STK39: variants seen among roughly 807,000 people sequenced by gnomAD.
STK39 encodes the protein STE20/SPS1-related proline-alanine-rich protein kinase.
Under a neutral mutation model 77.8 loss-of-function variants are expected in STK39, and 20 were observed. The ratio of observed to expected loss-of-function variants is 0.26; its 90% CI spans 0.18 to 0.37. The LOEUF (loss-of-function observed/expected upper bound fraction) is 0.37. Ranked by LOEUF, STK39 falls within the 10% of genes least tolerant of loss-of-function variation. The pLI is 1.00. For synonymous variants in STK39, 246 were observed against 234.1 expected (o/e 1.05, Z -0.47); for missense variants, 479 against 656.5 (o/e 0.73, Z 2.95).
At chr2:168,030,613 A>G (rs1034516118) in intron 14 of STK39, among the ~76,000 whole-genome samples, 2 of 152,194 alleles carry the variant, frequency 1.3e-5, no homozygotes. Context: ...CCAGGGTAGA[A>G]ATGTAAGCAG....
intron 14 of STK39, among the ~76,000 whole-genome samples, chr2:168,041,074 GCTTA>G (rs1454062860): frequency 6.6e-6 from 1 of 152,152 alleles, no homozygotes; most frequent in African/African-American, 2.4e-5. Flanking sequence ...CCCACTTGGA[GCTTA>G]CCGTCTAGGG....
chr2:168,051,993 T>C (rs905243824), intron 14 of STK39, among the ~76,000 whole-genome samples: 2 of 131,484 alleles, frequency 1.5e-5, no homozygotes, highest in Non-Finnish European at 3.2e-5. Flanking sequence ...TGAGGAAGAC[T>C]TTTTTTTTTT....
intron 14 of STK39, among the ~76,000 whole-genome samples, chr2:168,059,976 T>G (rs1685620397): frequency 1.3e-5 from 2 of 152,206 alleles, no homozygotes. Context: ...AACAATGCCA[T>G]GTACATAGTA....
At chr2:168,174,838 A>G (rs1688916319) in intron 2 of STK39, among the ~76,000 whole-genome samples, 1 of 151,354 alleles carries the variant, frequency 6.6e-6, no homozygotes, top group Admixed American at 6.6e-5. Context: ...CTCTTAAAAA[A>G]AAAAAAAAAA....
chr2:168,080,496 G>T (rs1686200428), intron 10 of STK39, among the ~76,000 whole-genome samples: 1 of 152,076 alleles, frequency 6.6e-6, no homozygotes, highest in African/African-American at 2.4e-5. Flanking sequence ...CGGGCGTGGT[G>T]GCAGGTGCCT....
At position 167,955,274 on chromosome 2, in the gene STK39, A is replaced by G. The variant is rs199826815; in HGVS notation, c.*222T>C. The G allele has an allele frequency of 4.4e-6, 2 of 453,866 alleles. No individual in the cohort carries two copies. Among genetic ancestry groups the G allele is most frequent in the Non-Finnish European group, 8.0e-6 (2 of 251,188 alleles). The allele number at this position is 453,866 out of a possible 1,614,324, so 28.1% of individuals were successfully genotyped here. ...AGCTGTGGCATTTGCTTGTTCTTGTACTGTGGATTGCTAGAGAATAAAGCA... is the reference window on the plus strand; with the variant it reads ...AGCTGTGGCATTTGCTTGTTCTTGTGCTGTGGATTGCTAGAGAATAAAGCA... On this transcript the variant is annotated 3_prime_UTR_variant, in exon 18 of 18. Transcript: ENST00000355999.
intron 10 of STK39, among the ~76,000 whole-genome samples, chr2:168,078,458 C>G (rs1036679567): frequency 3.3e-5 from 5 of 152,128 alleles, no homozygotes; most frequent in African/African-American, 1.2e-4. Flanking sequence ...TCTGACCTGT[C>G]ACTCCAGTGC....
chr2:168,137,794 T>C (rs548161791), intron 8 of STK39, among the ~76,000 whole-genome samples: 1 of 152,302 alleles, frequency 6.6e-6, no homozygotes, highest in African/African-American at 2.4e-5. Flanking sequence ...CCAATTTCTT[T>C]TGATTTCTGT....
chr2:168,054,877 C>T (rs1408550165), intron 14 of STK39, among the ~76,000 whole-genome samples: 3 of 152,174 alleles, frequency 2.0e-5, no homozygotes, highest in Admixed American at 6.5e-5. Context: ...TTTCACCTTC[C>T]TCTAACTACC....
chr2:167,982,247 C>T lies in STK39; in HGVS notation c.1499-17521G>A, dbSNP rs145829426. Among the ~76,000 whole-genome samples the T allele has an allele frequency of 7.8e-4, 119 of 152,300 alleles. 1 individual carries two copies. The highest frequency in any genetic ancestry group is 2.6e-3 in the African/African-American group (110 of 41,582). On this transcript the variant is annotated intron_variant, in intron 16 of 17. Transcript: ENST00000355999. The stretch of plus-strand genomic sequence containing the variant: ...TCCTTTTAGTTTGCATTAAACCCCT[C>T]TGACACCAATGAGCTTTTAAAAAGT...
intron 16 of STK39, among the ~76,000 whole-genome samples, chr2:167,972,492 T>G (rs763114652): frequency 6.6e-6 from 1 of 152,126 alleles, no homozygotes; most frequent in Non-Finnish European, 1.5e-5. Context: ...CTTTTCACAA[T>G]GGCGGCCCGG....
intron 1 of STK39, among the ~76,000 whole-genome samples, chr2:168,193,485 A>C (rs1689391726): frequency 6.6e-6 from 1 of 152,218 alleles, no homozygotes; most frequent in Non-Finnish European, 1.5e-5. Flanking sequence ...GTGAGAAGGA[A>C]AATTAAGACA....
chr2:168,050,621 C>T lies in STK39; in HGVS notation c.1376+12879G>A, dbSNP rs75473729. 1.8e-3 allele frequency among the ~76,000 whole-genome samples: 279 copies of T among 152,086 alleles called. 5 individuals carry two copies. In the East Asian group the frequency reaches 0.027, roughly 15 times the overall value. On this transcript the variant is annotated intron_variant, in intron 14 of 17. Coordinates refer to ENST00000355999, the MANE Select transcript of STK39 (RefSeq NM_013233.3). ...TGGCTTTGCAGATGGCAGAAGGAGC[C>T]GAGGGATGCAGGCTACCTCTACAAG...
Position 168,025,612 on chromosome 2 carries a change from C to T in STK39, c.1377-8517G>A, listed in dbSNP as rs745874076. ...AGACATACAACAGCAGGAAAAAGGGCTGTAAAAGGTTGAGGGAGCTGCTAT... is the reference window on the plus strand; with the variant it reads ...AGACATACAACAGCAGGAAAAAGGGTTGTAAAAGGTTGAGGGAGCTGCTAT... On this transcript the variant is annotated intron_variant, in intron 14 of 17. Transcript: ENST00000355999. 2.6e-5 allele frequency among the ~76,000 whole-genome samples: 4 copies of T among 152,162 alleles called. No individual in the cohort carries two copies. In the East Asian group the frequency reaches 7.7e-4, roughly 29 times the overall value.
rs6433026 is a variant in STK39 at position 168,004,044 on chromosome 2, C to A, written c.1498+8590G>T. ...CTGTAGCAGAAAGAACAGAGCACTT[C>A]GCACATCTAACCATATGCTCATGAC... On this transcript the variant is annotated intron_variant, in intron 16 of 17. Coordinates refer to ENST00000355999, the MANE Select transcript of STK39 (RefSeq NM_013233.3). 2.4e-3 allele frequency among the ~76,000 whole-genome samples: 368 copies of A among 152,330 alleles called. 1 individual carries two copies. Among genetic ancestry groups the A allele is most frequent in the African/African-American group, 7.8e-3 (323 of 41,572 alleles).
At chr2:168,205,653 CA>C (rs1689722731) in intron 1 of STK39, among the ~76,000 whole-genome samples, 1 of 151,610 alleles carries the variant, frequency 6.6e-6, no homozygotes, top group Admixed American at 6.6e-5. Context: ...CTCAACTCTA[CA>C]AAAAATAAAA....
intron 17 of STK39, among the ~76,000 whole-genome samples, chr2:167,963,960 A>C (rs1274099157): frequency 1.3e-5 from 2 of 152,216 alleles, no homozygotes; most frequent in African/African-American, 2.4e-5. Flanking sequence ...ACCTTAATGT[A>C]CTGTTCGCTA....
intron 1 of STK39, among the ~76,000 whole-genome samples, chr2:168,224,362 C>G (rs1690253971): frequency 6.6e-6 from 1 of 152,000 alleles, no homozygotes; most frequent in African/African-American, 2.4e-5. Flanking sequence ...AACAAGGGGA[C>G]ACAGTCAAAG....
chr2:168,240,847 G>A (rs1471188943), intron 1 of STK39, among the ~76,000 whole-genome samples: 1 of 152,252 alleles, frequency 6.6e-6, no homozygotes, highest in Non-Finnish European at 1.5e-5. Flanking sequence ...AAGTCCAGAA[G>A]GAAGGCATGG....
Sources: gnomAD v4.1 joint callset for allele counts (sites outside exome capture counted in the v4.1 genomes callset) on GRCh38, gnomAD v4.1.1 for gene constraint, MANE v1.5 for transcripts, NCBI Gene and HGNC (gene_info 2026-07-23, HGNC 2026-07-21) for gene names.